The following TBCK variants were observed in gnomAD, a reference collection of about 807,000 sequenced individuals.
TBCK encodes the protein TBC domain-containing protein kinase-like protein.
A neutral mutation model predicts 113.4 loss-of-function variants in TBCK; 99 were observed. The observed-to-expected ratio is 0.87, with a 90% CI of 0.74 to 1.03. The LOEUF is 1.03. Ranked by LOEUF, TBCK falls within the 50% of genes least tolerant of loss-of-function variation. The pLI is 0.00. For missense variants in TBCK, 1,045 were observed against 1,061.3 expected, an observed-to-expected ratio of 0.98 and a Z score of 0.21; for synonymous variants, 369 against 370.8, an observed-to-expected ratio of 1.00 and a Z score of 0.05.
chr4:106,288,260 G>A (rs914097841), intron 3 of TBCK, among the ~76,000 whole-genome samples: 8 of 152,194 alleles, frequency 5.3e-5, no homozygotes, highest in African/African-American at 7.2e-5. Context: ...CAGGCATGGC[G>A]GTGTATGCCT....
intron 5 of TBCK, among the ~76,000 whole-genome samples, chr4:106,254,602 T>C (rs1440827106): frequency 3.3e-5 from 5 of 152,220 alleles, no homozygotes; most frequent in African/African-American, 1.2e-4. Context: ...AATCTGTTAA[T>C]TTTCTCAAAA....
rs368292170 is a variant in TBCK, at chr4:106,158,829, A to G, written c.2235+12266T>C. On this transcript the variant is annotated intron_variant, in intron 23 of 25. Coordinates refer to ENST00000394708, the MANE Select transcript of TBCK (RefSeq NM_001163435.3). ...CATTACCCTGATTCCAAAGCCATAC[A>G]AAGACACTGCAAAAACGGAATACTA... Among the ~76,000 whole-genome samples the G allele has an allele frequency of 4.6e-5, 7 of 152,266 alleles. No homozygotes were observed. The East Asian group carries it at 7.7e-4, about 17-fold the overall frequency.
chr4:106,287,882 G>A (rs1765276655), intron 3 of TBCK, among the ~76,000 whole-genome samples: 1 of 152,040 alleles, frequency 6.6e-6, no homozygotes, highest in Non-Finnish European at 1.5e-5. Flanking sequence ...CTATTCCTAT[G>A]TTCTGATCCA....
chr4:106,278,523 C>T (rs1290201946), intron 3 of TBCK, among the ~76,000 whole-genome samples: 1 of 132,198 alleles, frequency 7.6e-6, no homozygotes, highest in Non-Finnish European at 1.5e-5. Context: ...CGTGCCACTG[C>T]ACTCCATCCT....
chr4:106,136,882 A>T (rs551915073), intron 23 of TBCK, among the ~76,000 whole-genome samples: 1 of 141,294 alleles, frequency 7.1e-6, no homozygotes, highest in South Asian at 2.4e-4. Context: ...TAATGAAATG[A>T]TAAAGAAAGA....
intron 1 of TBCK, 22 bp from the exon 2 acceptor site, chr4:106,309,011 GGACAGACCAAACATTAAGCCA>G (rs1561004329): frequency 6.6e-7 from 1 of 1,511,494 alleles, no homozygotes; most frequent in African/African-American, 1.4e-5. Flanking sequence ...GAGAATTTTA[GGACAGACCAAACATTAAGCCA>G]GACAGACCAA....
intron 20 of TBCK, among the ~76,000 whole-genome samples, chr4:106,197,802 G>C (rs1342336562): frequency 6.6e-6 from 1 of 151,928 alleles, no homozygotes; most frequent in Admixed American, 6.6e-5. Flanking sequence ...TAGTCACTTA[G>C]GTAGAAAAAT....
At chr4:106,057,771 T>A (rs1474857392) in intron 25 of TBCK, among the ~76,000 whole-genome samples, 5 of 151,840 alleles carry the variant, frequency 3.3e-5, no homozygotes, top group African/African-American at 1.2e-4. Flanking sequence ...TCCAGAACTT[T>A]AATTATAAAT....
At chr4:106,236,167 T>C (rs769581739) in intron 14 of TBCK, among the ~76,000 whole-genome samples, 3 of 152,054 alleles carry the variant, frequency 2.0e-5, no homozygotes, top group African/African-American at 2.4e-5. Flanking sequence ...ACATTATTCC[T>C]TTTTTAACAT....
At chr4:106,148,654 A>G (rs1748112383) in intron 23 of TBCK, among the ~76,000 whole-genome samples, 1 of 152,208 alleles carries the variant, frequency 6.6e-6, no homozygotes, top group Non-Finnish European at 1.5e-5. Context: ...TATTTAGTAA[A>G]CCACACTGTA....
chr4:106,050,141 T>G (rs1477981174), intron 25 of TBCK, among the ~76,000 whole-genome samples: 1 of 151,824 alleles, frequency 6.6e-6, no homozygotes, highest in African/African-American at 2.4e-5. Flanking sequence ...AAAAGGGAGA[T>G]TTCATAATGA....
chr4:106,309,854 G>A (rs930919089), intron 1 of TBCK: 1 of 152,126 alleles, frequency 6.6e-6, no homozygotes, highest in African/African-American at 2.4e-5. Flanking sequence ...TAATAATCCT[G>A]ACAGAGCTAT....
intron 23 of TBCK, among the ~76,000 whole-genome samples, chr4:106,128,783 T>A (rs1223723485): frequency 6.6e-6 from 1 of 152,142 alleles, no homozygotes. Flanking sequence ...ATTTTGAAGT[T>A]TATTTGACAA....
At chr4:106,133,282 G>C (rs1158384135) in intron 23 of TBCK, among the ~76,000 whole-genome samples, 1 of 152,122 alleles carries the variant, frequency 6.6e-6, no homozygotes, top group Admixed American at 6.5e-5. Context: ...GAGATCTGAT[G>C]GTTTTATAAA....
intron 25 of TBCK, among the ~76,000 whole-genome samples, chr4:106,071,045 C>T (rs1269769462): frequency 6.6e-6 from 1 of 152,124 alleles, no homozygotes. Flanking sequence ...TTTCAACAAA[C>T]CAGCTCTTGG....
At chr4:106,162,090 T>C (rs1043787181) in intron 23 of TBCK, among the ~76,000 whole-genome samples, 3 of 152,148 alleles carry the variant, frequency 2.0e-5, no homozygotes, top group African/African-American at 7.2e-5. Context: ...CTAGATACAA[T>C]GGGGGTACAG....
rs374168890 is a variant in TBCK at position 106,262,205 on chromosome 4, T to C, written c.274A>G (p.Thr92Ala). 14 of 1,534,304 alleles carry C rather than the reference T, an allele frequency of 9.1e-6. No individual in the cohort carries two copies. The East Asian group carries it at 1.7e-4, about 19-fold the overall frequency. Residue 92 changes from threonine to alanine, a missense_variant, in exon 4 of 26, where the codon ACG becomes GCG. Coordinates refer to ENST00000394708, the MANE Select transcript of TBCK (RefSeq NM_001163435.3). ...ACCTCAAATGCTATACACAAAACCG[T>C]TGAACAGCTACAAAGAAAACAAAAA... ...LRERKPVSCS[T>A]VLCIAFEVLQ...
chr4:106,302,564 A>G (rs1322902125), intron 2 of TBCK, among the ~76,000 whole-genome samples: 1 of 152,176 alleles, frequency 6.6e-6, no homozygotes, highest in Admixed American at 6.5e-5. Flanking sequence ...CCAAATACAT[A>G]AAGTGAAGCT....
chr4:106,255,139 A>G (rs968512932), intron 5 of TBCK: 37 of 170,916 alleles, frequency 2.2e-4, no homozygotes, highest in African/African-American at 8.4e-4. Context: ...TATAAACATG[A>G]TATCTCCATA....
Sources: gnomAD v4.1 joint callset for allele counts (sites outside exome capture counted in the v4.1 genomes callset) on GRCh38, gnomAD v4.1.1 for gene constraint, MANE v1.5 for transcripts, NCBI Gene and HGNC (gene_info 2026-07-23, HGNC 2026-07-21) for gene names.